GPATCH2: variants seen among roughly 807,000 people sequenced by gnomAD.
The protein encoded by GPATCH2 is G-patch domain containing 2.
A neutral mutation model predicts 58.0 loss-of-function variants in GPATCH2; 51 were observed. The observed-to-expected ratio is 0.88, with a 90% CI of 0.70 to 1.11. The LOEUF (loss-of-function observed/expected upper bound fraction) is 1.11. GPATCH2 is among the 50% of genes most tolerant of loss of function. GPATCH2 has a pLI of 0.00. For missense variants in GPATCH2, 625 were observed against 652.2 expected, an observed-to-expected ratio of 0.96 and a Z score of 0.45; for synonymous variants, 222 against 218.5, an observed-to-expected ratio of 1.02 and a Z score of -0.14.
intron 5 of GPATCH2, chr1:217,609,624 T>C: frequency 1.0e-6 from 1 of 979,744 alleles, no homozygotes; most frequent in Non-Finnish European, 1.2e-6. Flanking sequence ...CCTTACCTAC[T>C]ACTCATCTTA....
intron 8 of GPATCH2, among the ~76,000 whole-genome samples, chr1:217,463,687 G>A (rs1161096299): frequency 1.4e-5 from 2 of 142,978 alleles, no homozygotes; most frequent in East Asian, 2.1e-4. Flanking sequence ...CAGGCATAGT[G>A]ATGTGTACCT....
chr1:217,564,466 A>G lies in GPATCH2; in HGVS notation c.1098+45855T>C, dbSNP rs183390020. ...ATTTAATACCATTTGTCTTACCCCA[A>G]GTGAATGTTTCCATTAGTTTTCTCC... On this transcript the variant is annotated intron_variant, in intron 5 of 9. Transcript: ENST00000366935. Among the ~76,000 whole-genome samples, 22 of 152,328 alleles carry G rather than the reference A, an allele frequency of 1.4e-4. No homozygotes were observed. The East Asian group carries it at 3.7e-3, about 25-fold the overall frequency.
At chr1:217,509,245 G>A (rs1181275643) in intron 6 of GPATCH2, among the ~76,000 whole-genome samples, 1 of 152,064 alleles carries the variant, frequency 6.6e-6, no homozygotes, top group Non-Finnish European at 1.5e-5. Context: ...GGAGGCTGAG[G>A]CACAAGAATC....
At chr1:217,580,278 C>G (rs1395687657) in intron 5 of GPATCH2, among the ~76,000 whole-genome samples, 2 of 152,102 alleles carry the variant, frequency 1.3e-5, no homozygotes, top group Non-Finnish European at 2.9e-5. Flanking sequence ...CCCCGACCTT[C>G]CATGGATGGT....
At chr1:217,587,000 T>A (rs1017861289) in intron 5 of GPATCH2, among the ~76,000 whole-genome samples, 2 of 152,108 alleles carry the variant, frequency 1.3e-5, no homozygotes, top group African/African-American at 4.8e-5. Flanking sequence ...GGAGAAGAGG[T>A]GATATAATCT....
intron 5 of GPATCH2, among the ~76,000 whole-genome samples, chr1:217,522,969 T>A (rs1362209531): frequency 1.3e-5 from 2 of 151,730 alleles, no homozygotes; most frequent in Non-Finnish European, 2.9e-5. Flanking sequence ...AGATTAACAT[T>A]TTATGTAATG....
chr1:217,561,730 A>G (rs1302642058), intron 5 of GPATCH2, among the ~76,000 whole-genome samples: 4 of 152,178 alleles, frequency 2.6e-5, no homozygotes, highest in Non-Finnish European at 4.4e-5. Flanking sequence ...TTCAGAAACC[A>G]GATCATCACC....
chr1:217,545,250 A>G (rs2102653217), intron 5 of GPATCH2, among the ~76,000 whole-genome samples: 1 of 152,322 alleles, frequency 6.6e-6, no homozygotes. Flanking sequence ...GTGACCCTTC[A>G]ATTCGGAAAT....
intron 5 of GPATCH2, among the ~76,000 whole-genome samples, chr1:217,569,492 C>T (rs1339829797): frequency 1.3e-5 from 2 of 151,602 alleles, no homozygotes; most frequent in African/African-American, 2.4e-5. Context: ...GTCAGCAGTT[C>T]GAGACCAGCC....
intron 5 of GPATCH2, among the ~76,000 whole-genome samples, chr1:217,601,456 G>GT (rs1321705983): frequency 6.6e-6 from 1 of 151,674 alleles, no homozygotes; most frequent in Non-Finnish European, 1.5e-5. Flanking sequence ...AGCATTAGTA[G>GT]TAAAGCTGTA....
At chr1:217,564,534 G>A (rs1023525187) in intron 5 of GPATCH2, among the ~76,000 whole-genome samples, 2 of 152,086 alleles carry the variant, frequency 1.3e-5, no homozygotes, top group African/African-American at 4.8e-5. Context: ...TTACATCACC[G>A]AGTCAAGGCT....
chr1:217,547,071 A>G (rs933016335), intron 5 of GPATCH2, among the ~76,000 whole-genome samples: 3 of 152,170 alleles, frequency 2.0e-5, no homozygotes, highest in African/African-American at 7.2e-5. Flanking sequence ...CAGAACAGCT[A>G]TAAGAAGTCA....
At chr1:217,629,667 G>A (rs1262118456) in intron 1 of GPATCH2, among the ~76,000 whole-genome samples, 1 of 152,134 alleles carries the variant, frequency 6.6e-6, no homozygotes, top group Non-Finnish European at 1.5e-5. Flanking sequence ...GTTTACATAA[G>A]TATATGCAAT....
At chr1:217,560,650 A>G (rs1332395899) in intron 5 of GPATCH2, among the ~76,000 whole-genome samples, 3 of 152,186 alleles carry the variant, frequency 2.0e-5, no homozygotes, top group Non-Finnish European at 4.4e-5. Context: ...TAGGTGCTTC[A>G]TTTACAGCAG....
chr1:217,544,299 C>T (rs561796280), intron 5 of GPATCH2, among the ~76,000 whole-genome samples: 2 of 152,246 alleles, frequency 1.3e-5, no homozygotes, highest in East Asian at 3.9e-4. Flanking sequence ...GAGGCTGAGG[C>T]AGCAGTCACC....
intron 5 of GPATCH2, among the ~76,000 whole-genome samples, chr1:217,525,341 G>T (rs749015025): frequency 1.3e-5 from 2 of 152,056 alleles, no homozygotes; most frequent in Non-Finnish European, 2.9e-5. Flanking sequence ...TTATTATCCT[G>T]AAATACATAG....
Position 217,517,066 on chromosome 1 carries a change from T to G in GPATCH2, c.1099-2177A>C, listed in dbSNP as rs184816657. 7.2e-5 allele frequency among the ~76,000 whole-genome samples: 11 copies of G among 152,320 alleles called. No homozygotes were observed. The East Asian group carries it at 2.1e-3, about 29-fold the overall frequency. On this transcript the variant is annotated intron_variant, in intron 5 of 9. Transcript: ENST00000366935. Reference sequence around the variant, plus strand: ...TGTAAGCTTTCAATCTAGTCAGAAATAATCATACTATGTATTTCTCAGCAA... The same window carrying G: ...TGTAAGCTTTCAATCTAGTCAGAAAGAATCATACTATGTATTTCTCAGCAA...
At chr1:217,564,286 G>T (rs1380950753) in intron 5 of GPATCH2, among the ~76,000 whole-genome samples, 3 of 152,056 alleles carry the variant, frequency 2.0e-5, no homozygotes, top group African/African-American at 7.2e-5. Context: ...AGCTCAATTA[G>T]CCCTCATGTA....
intron 9 of GPATCH2, among the ~76,000 whole-genome samples, chr1:217,434,776 G>T (rs1489367662): frequency 1.3e-5 from 2 of 152,158 alleles, no homozygotes; most frequent in Non-Finnish European, 2.9e-5. Context: ...ATTGAAAAAT[G>T]TTGGTATTTC....
Sources: allele counts gnomAD v4.1 joint callset (sites outside exome capture counted in the v4.1 genomes callset), GRCh38; gene constraint gnomAD v4.1.1; transcripts MANE v1.5; gene names NCBI Gene and HGNC (gene_info 2026-07-23, HGNC 2026-07-21).